Variants in FAM184A observed in about 807,000 individuals in gnomAD.
FAM184A encodes the protein protein FAM184A.
Under a neutral mutation model 143.8 loss-of-function variants are expected in FAM184A, and 99 were observed. The observed-to-expected ratio is 0.69, with a 90% CI of 0.58 to 0.81. The LOEUF (loss-of-function observed/expected upper bound fraction) is 0.81. Among genes scored for constraint, FAM184A ranks in the 40% least tolerant of loss-of-function variants. FAM184A has a pLI of 0.00. For synonymous variants in FAM184A, 427 were observed against 446.4 expected, an observed-to-expected ratio of 0.96 and a Z score of 0.55; for missense variants, 1,217 against 1,310.5, an observed-to-expected ratio of 0.93 and a Z score of 1.10.
chr6:119,023,051 C>G lies in FAM184A; in HGVS notation c.1044G>C (p.Lys348Asn). The G allele has an allele frequency of 2.5e-6, 4 of 1,614,106 alleles. No individual in the cohort carries two copies. The highest frequency in any genetic ancestry group is 3.4e-6 in the Non-Finnish European group (4 of 1,180,014). The change falls in exon 3 of 18, where the codon AAG (lysine) becomes AAC (asparagine). Residue 348 changes from lysine (K) to asparagine (N), a missense_variant. Physicochemically the swap from Lys to Asn is moderately conservative, Grantham distance 94 (BLOSUM62 0). Coordinates refer to ENST00000338891, the MANE Select transcript of FAM184A (RefSeq NM_024581.6). ...QVLQKQLDDA[K>N]EGEMALLSKH... ...TGCTTAATAGGGCCATTTCTCCCTC[C>G]TTGGCATCATCAAGCTGTTTTTGAA...
intron 5 of FAM184A, among the ~76,000 whole-genome samples, chr6:119,014,550 AC>A (rs1785180596): frequency 1.3e-5 from 2 of 152,254 alleles, no homozygotes; most frequent in East Asian, 3.8e-4. Flanking sequence ...GAGAATACAT[AC>A]TTTCAACTAG....
chr6:119,003,853 TC>T (rs1316403218), intron 7 of FAM184A, among the ~76,000 whole-genome samples: 6 of 152,248 alleles, frequency 3.9e-5, no homozygotes, highest in African/African-American at 1.4e-4. Flanking sequence ...AAGGCTTATA[TC>T]ACAAATTATT....
intron 2 of FAM184A, 137 bp from the exon 3 acceptor site, chr6:119,023,217 T>C (rs1359784899): frequency 2.4e-6 from 2 of 845,762 alleles, no homozygotes; most frequent in African/African-American, 1.7e-5. Context: ...TCTGTAAGTA[T>C]TAGTGATTTA....
intron 9 of FAM184A, among the ~76,000 whole-genome samples, chr6:118,984,171 ATATATATT>A (rs1260957602): frequency 2.3e-4 from 33 of 141,112 alleles, no homozygotes; most frequent in African/African-American, 5.3e-4. Flanking sequence ...ATATATATAT[ATATATATT>A]TATATATATA....
chr6:119,075,922 G>A (rs1158491462), intron 1 of FAM184A, among the ~76,000 whole-genome samples: 2 of 152,134 alleles, frequency 1.3e-5, no homozygotes, highest in African/African-American at 4.8e-5. Context: ...AAAGATGTTG[G>A]CTCCAACAGA....
rs1479206076 is a variant in FAM184A at position 119,115,753 on chromosome 6, A to C, written c.-202+33325T>G. On this transcript the variant is annotated intron_variant, in intron 1 of 16. Coordinates refer to the FAM184A transcript ENST00000352896. ...TGAGGCAGGTGGATCACCTGAGGTC[A>C]GGAGTTTGAGACCAGCCTGACCAAC... Among the ~76,000 whole-genome samples, 4 of 151,614 alleles carry C rather than the reference A, an allele frequency of 2.6e-5. No homozygotes were observed. In the East Asian group the frequency reaches 7.7e-4, roughly 29 times the overall value.
In FAM184A at chr6:118,967,807, TTTCAATAACATTA is replaced by T. The variant is rs1783547400; in HGVS notation, c.2916-868_2916-856del. Among the ~76,000 whole-genome samples the T allele has an allele frequency of 4.0e-5, 6 of 151,856 alleles. No homozygotes were observed. In the South Asian group the frequency reaches 1.2e-3, roughly 31 times the overall value. ...AGGATATAAAGGATAGAACTTAAAA[TTTCAATAACATTA>T]TTCAATAAAATTATGGTTAATAAAG... On this transcript the variant is annotated intron_variant, in intron 14 of 17. Coordinates refer to ENST00000338891, the MANE Select transcript of FAM184A (RefSeq NM_024581.6).
At chr6:119,116,470 A>G (rs904151361) in intron 1 of FAM184A, among the ~76,000 whole-genome samples, 3 of 152,196 alleles carry the variant, frequency 2.0e-5, no homozygotes, top group Non-Finnish European at 4.4e-5. Flanking sequence ...TTACCCATAT[A>G]ACAAATCTGC....
intron 1 of FAM184A, among the ~76,000 whole-genome samples, chr6:119,029,568 A>G (rs1017760832): frequency 6.6e-6 from 1 of 152,182 alleles, no homozygotes; most frequent in Non-Finnish European, 1.5e-5. Flanking sequence ...GGAAAGATGT[A>G]TGAGGATATT....
At chr6:119,052,898 C>A (rs763183476) in intron 1 of FAM184A, among the ~76,000 whole-genome samples, 1 of 152,162 alleles carries the variant, frequency 6.6e-6, no homozygotes, top group Non-Finnish European at 1.5e-5. Context: ...TAACATTGTG[C>A]CAAATTCAGT....
chr6:119,092,456 C>T (rs1015614326), intron 1 of FAM184A, among the ~76,000 whole-genome samples: 2 of 152,108 alleles, frequency 1.3e-5, no homozygotes, highest in Non-Finnish European at 2.9e-5. Flanking sequence ...TTTTAATTGA[C>T]ATATAATTGT....
At chr6:119,067,360 G>C (rs148861862) in intron 1 of FAM184A, among the ~76,000 whole-genome samples, 77 of 152,304 alleles carry the variant, frequency 5.1e-4, no homozygotes, top group African/African-American at 1.8e-3. Context: ...CCTAACAATA[G>C]CTGATAAACA....
At chr6:118,973,182 A>G (rs1783745956) in intron 14 of FAM184A, among the ~76,000 whole-genome samples, 1 of 152,202 alleles carries the variant, frequency 6.6e-6, no homozygotes, top group African/African-American at 2.4e-5. Flanking sequence ...AGCATACTCA[A>G]GTAAATAACA....
intron 1 of FAM184A, among the ~76,000 whole-genome samples, chr6:119,112,536 G>A (rs1788960089): frequency 6.6e-6 from 1 of 152,180 alleles, no homozygotes; most frequent in Non-Finnish European, 1.5e-5. Context: ...GCCATTGAAA[G>A]TTGAATGGGT....
intron 1 of FAM184A, among the ~76,000 whole-genome samples, chr6:119,045,037 C>T (rs603770): frequency 0.085 from 12,949 of 152,240 alleles, 904 homozygotes; most frequent in East Asian, 0.2. Context: ...ATACAACCTA[C>T]GCTTGCTCTC....
intron 1 of FAM184A, among the ~76,000 whole-genome samples, chr6:119,036,670 A>C (rs531669328): frequency 6.6e-6 from 1 of 152,288 alleles, no homozygotes; most frequent in Non-Finnish European, 1.5e-5. Context: ...AACAAAAATC[A>C]AAACAACAAA....
intron 14 of FAM184A, among the ~76,000 whole-genome samples, chr6:118,969,114 T>C (rs1783590015): frequency 6.6e-6 from 1 of 152,108 alleles, no homozygotes; most frequent in African/African-American, 2.4e-5. Flanking sequence ...GGGAAAATCA[T>C]TTCCCCCCTT....
intron 1 of FAM184A, among the ~76,000 whole-genome samples, chr6:119,047,656 A>G (rs1031603705): frequency 6.6e-6 from 1 of 152,214 alleles, no homozygotes; most frequent in Admixed American, 6.5e-5. Context: ...GGACACATAC[A>G]CTCTCCCAAG....
At chr6:119,055,405 T>C (rs997239268) in intron 1 of FAM184A, among the ~76,000 whole-genome samples, 1 of 152,228 alleles carries the variant, frequency 6.6e-6, no homozygotes, top group Non-Finnish European at 1.5e-5. Flanking sequence ...TTTCCTTGGA[T>C]ATATACCTAG....
Sources: allele counts gnomAD v4.1 joint callset (sites outside exome capture counted in the v4.1 genomes callset), GRCh38; gene constraint gnomAD v4.1.1; transcripts MANE v1.5; gene names NCBI Gene and HGNC (gene_info 2026-07-23, HGNC 2026-07-21).